The following GLI3 variants were observed in gnomAD, a reference collection of about 807,000 sequenced individuals.
The protein encoded by GLI3 is transcription activator GLI3.
Under a neutral mutation model 100.8 loss-of-function variants are expected in GLI3, and 20 were observed. The observed-to-expected ratio is 0.20, with a 90% CI of 0.14 to 0.29. GLI3 has a LOEUF of 0.29. GLI3 is among the 10% of genes least tolerant of loss of function. The pLI is 1.00. For synonymous variants in GLI3, 938 were observed against 860.5 expected, an observed-to-expected ratio of 1.09 and a Z score of -1.58; for missense variants, 2,040 against 2,128.5, an observed-to-expected ratio of 0.96 and a Z score of 0.82.
chr7:41,984,139 A>G (rs1231378386), intron 10 of GLI3, among the ~76,000 whole-genome samples: 1 of 152,174 alleles, frequency 6.6e-6, no homozygotes, highest in Non-Finnish European at 1.5e-5. Flanking sequence ...GGAGGCTTGG[A>G]GAGCTACAGG....
At chr7:42,008,339 A>C (rs1001488284) in intron 10 of GLI3, among the ~76,000 whole-genome samples, 3 of 152,208 alleles carry the variant, frequency 2.0e-5, no homozygotes, top group Non-Finnish European at 2.9e-5. Flanking sequence ...AGCTGGATGC[A>C]GCTCCCACAG....
intron 2 of GLI3, chr7:42,172,830 AC>A: frequency 1.8e-6 from 1 of 560,560 alleles, no homozygotes; most frequent in Non-Finnish European, 3.2e-6. Context: ...TTCACCTTCT[AC>A]CTAATATCAC....
upstream of GLI3, among the ~76,000 whole-genome samples, chr7:42,242,567 A>C (rs979589393): frequency 6.6e-6 from 1 of 152,128 alleles, no homozygotes; most frequent in African/African-American, 2.4e-5. Context: ...CTGTCCTTCT[A>C]TTCAGTGCCC....
chr7:42,182,668 A>ATACATGTGTG (rs1787631241), intron 2 of GLI3, among the ~76,000 whole-genome samples: 2 of 78,010 alleles, frequency 2.6e-5, no homozygotes, highest in African/African-American at 5.8e-5. Context: ...ATATATATAT[A>ATACATGTGTG]TATATATATA....
chr7:41,994,047 G>T (rs777249964), intron 10 of GLI3, among the ~76,000 whole-genome samples: 12 of 152,130 alleles, frequency 7.9e-5, no homozygotes, highest in Non-Finnish European at 1.8e-4. Flanking sequence ...GTGGGGTAAG[G>T]GTTCTGGCAT....
intron 1 of GLI3, among the ~76,000 whole-genome samples, chr7:42,245,128 T>C: frequency 6.6e-6 from 1 of 152,182 alleles, no homozygotes; most frequent in East Asian, 1.9e-4. Flanking sequence ...TTCCCATTCT[T>C]ATCCCATTTG....
At chr7:42,206,682 T>C (rs1053061394) in intron 2 of GLI3, among the ~76,000 whole-genome samples, 6 of 152,226 alleles carry the variant, frequency 3.9e-5, no homozygotes, top group African/African-American at 1.4e-4. Flanking sequence ...TAATGTGCAT[T>C]ATCAGATAAA....
At chr7:42,037,304 A>G (rs909178608) in intron 7 of GLI3, among the ~76,000 whole-genome samples, 1 of 152,154 alleles carries the variant, frequency 6.6e-6, no homozygotes, top group Non-Finnish European at 1.5e-5. Flanking sequence ...CGCTGTTGAG[A>G]AAGTTAGTTA....
At chr7:42,078,734 T>G (rs1784934094) in intron 3 of GLI3, among the ~76,000 whole-genome samples, 1 of 147,708 alleles carries the variant, frequency 6.8e-6, no homozygotes, top group African/African-American at 2.5e-5. Context: ...CAGTTTTTTT[T>G]TTTTTTTTTT....
chr7:42,132,245 C>CGCCT (rs201880044), intron 3 of GLI3, among the ~76,000 whole-genome samples: 1 of 145,488 alleles, frequency 6.9e-6, no homozygotes, highest in Admixed American at 6.8e-5. Context: ...GGACTACAGG[C>CGCCT]GCCCGCCACT....
intron 3 of GLI3, among the ~76,000 whole-genome samples, chr7:42,104,516 C>G (rs1785533260): frequency 1.3e-5 from 2 of 152,128 alleles, no homozygotes; most frequent in African/African-American, 4.8e-5. Flanking sequence ...ATCAATGAAC[C>G]ACTCCTGAGA....
intron 3 of GLI3, chr7:42,113,559 C>A: frequency 8.5e-7 from 1 of 1,171,150 alleles, no homozygotes; most frequent in Non-Finnish European, 1.3e-6. Flanking sequence ...AATAACCCTA[C>A]AGAAAATGGA....
intron 3 of GLI3, among the ~76,000 whole-genome samples, chr7:42,140,652 ACC>A: frequency 6.6e-6 from 1 of 152,340 alleles, no homozygotes; most frequent in Middle Eastern, 3.4e-3. Context: ...CTCTAAATTA[ACC>A]CAAACTGTGA....
chr7:42,009,280 C>T (rs1788542861), intron 10 of GLI3, among the ~76,000 whole-genome samples: 1 of 152,176 alleles, frequency 6.6e-6, no homozygotes, highest in African/African-American at 2.4e-5. Flanking sequence ...TCTAGTGTGA[C>T]AGTTTTCTTA....
At chr7:42,128,624 G>T (rs910708602) in intron 3 of GLI3, among the ~76,000 whole-genome samples, 1 of 152,108 alleles carries the variant, frequency 6.6e-6, no homozygotes, top group African/African-American at 2.4e-5. Flanking sequence ...CTAAAAGTAA[G>T]AAAGTTATAA....
intron 2 of GLI3, among the ~76,000 whole-genome samples, chr7:42,213,994 G>A (rs920855077): frequency 7.2e-5 from 11 of 152,208 alleles, no homozygotes; most frequent in African/African-American, 2.7e-4. Flanking sequence ...GGACAGGCAT[G>A]CTTTAAATGA....
chr7:42,175,380 G>A (rs1787458724), intron 2 of GLI3, among the ~76,000 whole-genome samples: 1 of 152,206 alleles, frequency 6.6e-6, no homozygotes, highest in Non-Finnish European at 1.5e-5. Context: ...CACTTTGGGA[G>A]GCCAAGGTGG....
intron 2 of GLI3, among the ~76,000 whole-genome samples, chr7:42,159,316 GA>G (rs1198260769): frequency 6.6e-6 from 1 of 152,058 alleles, no homozygotes; most frequent in Non-Finnish European, 1.5e-5. Context: ...ACAGAAAAAG[GA>G]AAAAAGACTT....
chr7:42,141,895 C>T (rs1487654016), intron 3 of GLI3, among the ~76,000 whole-genome samples: 1 of 152,098 alleles, frequency 6.6e-6, no homozygotes, highest in Non-Finnish European at 1.5e-5. Context: ...TGGAATTCCA[C>T]CTCCATGGTG....
Sources: allele counts gnomAD v4.1 joint callset (sites outside exome capture counted in the v4.1 genomes callset), GRCh38; gene constraint gnomAD v4.1.1; transcripts MANE v1.5; gene names NCBI Gene and HGNC (gene_info 2026-07-23, HGNC 2026-07-21).